Variants in SHISA6 observed in about 807,000 individuals in gnomAD.
SHISA6 encodes protein shisa-6.
Under a neutral mutation model 47.9 loss-of-function variants are expected in SHISA6, and 22 were observed. The observed-to-expected ratio is 0.46, with a 90% confidence interval of 0.33 to 0.66. The LOEUF (loss-of-function observed/expected upper bound fraction) is 0.66. SHISA6 is among the 30% of genes least tolerant of loss of function. The pLI is 0.02. For synonymous variants in SHISA6, 388 were observed against 337.8 expected (o/e 1.15, Z -1.63); for missense variants, 680 against 764.6 (o/e 0.89, Z 1.30).
Position 11,561,897 on chromosome 17 carries a change from G to A in SHISA6, c.*3593G>A, listed in dbSNP as rs1032050950. 35 of 152,218 alleles carry A rather than the reference G, an allele frequency of 2.3e-4. 1 individual carries two copies. The highest frequency in any genetic ancestry group is 1.5e-5 in the Non-Finnish European group (1 of 68,132). 9.4% of individuals were successfully genotyped at this position (152,218 alleles called of 1,614,324 possible). ...GTGAGTTGATACCCCAGTGCACGGA[G>A]CCAAGGGCTTTTCCCCTCTGAGCTC... On this transcript the variant is annotated 3_prime_UTR_variant, in exon 6 of 6. Coordinates refer to ENST00000441885, the MANE Select transcript of SHISA6 (RefSeq NM_207386.4).
intron 3 of SHISA6, among the ~76,000 whole-genome samples, chr17:11,456,185 CCGGA>C (rs1915528582): frequency 6.6e-6 from 1 of 152,122 alleles, no homozygotes; most frequent in Non-Finnish European, 1.5e-5. Context: ...AGACGGAGGA[CCGGA>C]GGGAGGGAGG....
At chr17:11,378,656 C>T (rs1912899291) in intron 2 of SHISA6, among the ~76,000 whole-genome samples, 1 of 152,086 alleles carries the variant, frequency 6.6e-6, no homozygotes, top group Non-Finnish European at 1.5e-5. Flanking sequence ...AATTTCTATC[C>T]ACAATCCTAA....
chr17:11,395,896 A>G (rs892113870), intron 3 of SHISA6, among the ~76,000 whole-genome samples: 4 of 152,204 alleles, frequency 2.6e-5, no homozygotes, highest in African/African-American at 9.6e-5. Context: ...GTTGAATAGT[A>G]GAGAAGATAA....
chr17:11,462,343 C>G (rs542373231), intron 3 of SHISA6, among the ~76,000 whole-genome samples: 5 of 152,202 alleles, frequency 3.3e-5, no homozygotes, highest in Non-Finnish European at 7.3e-5. Context: ...AGATGCTTGT[C>G]TGTGTTCAAA....
chr17:11,521,720 T>C (rs1284598799), intron 3 of SHISA6, among the ~76,000 whole-genome samples: 1 of 152,114 alleles, frequency 6.6e-6, no homozygotes, highest in Non-Finnish European at 1.5e-5. Context: ...AGAGGATTTC[T>C]TGAACCCAGG....
intron 3 of SHISA6, among the ~76,000 whole-genome samples, chr17:11,396,858 T>G (rs1001658363): frequency 6.6e-6 from 1 of 152,184 alleles, no homozygotes; most frequent in East Asian, 1.9e-4. Context: ...TGGATACCTA[T>G]GTAACAAACC....
intron 1 of SHISA6, among the ~76,000 whole-genome samples, chr17:11,259,574 G>A (rs1463262380): frequency 6.6e-6 from 1 of 152,236 alleles, no homozygotes; most frequent in Non-Finnish European, 1.5e-5. Context: ...GTGGTAACAC[G>A]TTAAAATGTT....
intron 2 of SHISA6, among the ~76,000 whole-genome samples, chr17:11,342,523 A>C (rs896739483): frequency 2.0e-5 from 3 of 152,180 alleles, no homozygotes; most frequent in African/African-American, 7.2e-5. Flanking sequence ...AACACATCTT[A>C]TGATAAAAGG....
At chr17:11,288,597 A>C (rs1394231552) in intron 2 of SHISA6, 5 of 152,124 alleles carry the variant, frequency 3.3e-5, no homozygotes, top group African/African-American at 1.2e-4. Flanking sequence ...CTTACTCAAA[A>C]TGACTAGTTT....
At chr17:11,557,102 TG>T (rs2071988693) in intron 5 of SHISA6, among the ~76,000 whole-genome samples, 2 of 152,274 alleles carry the variant, frequency 1.3e-5, no homozygotes, top group East Asian at 3.9e-4. Flanking sequence ...ATTATGTGGC[TG>T]TGTGGGGACT....
chr17:11,259,211 G>A (rs1908134478), intron 1 of SHISA6, among the ~76,000 whole-genome samples: 1 of 152,122 alleles, frequency 6.6e-6, no homozygotes, highest in African/African-American at 2.4e-5. Context: ...ATAATCCAGT[G>A]GTATATAGTC....
At chr17:11,328,977 GTGA>G (rs1427574617) in intron 2 of SHISA6, among the ~76,000 whole-genome samples, 2 of 152,170 alleles carry the variant, frequency 1.3e-5, no homozygotes, top group Non-Finnish European at 2.9e-5. Context: ...AATAACGATG[GTGA>G]TGATGATAAC....
At chr17:11,248,221 AT>A (rs950938393) in intron 1 of SHISA6, among the ~76,000 whole-genome samples, 3 of 152,132 alleles carry the variant, frequency 2.0e-5, no homozygotes, top group East Asian at 3.9e-4. Context: ...TGCTAACTCT[AT>A]TTTTTTTAAT....
chr17:11,522,009 A>C (rs1023930397), intron 3 of SHISA6, among the ~76,000 whole-genome samples: 5 of 152,014 alleles, frequency 3.3e-5, no homozygotes, highest in Non-Finnish European at 7.4e-5. Flanking sequence ...TCTGTCACCC[A>C]GGCTGGAGTG....
chr17:11,369,285 T>G (rs1272571945), intron 2 of SHISA6, among the ~76,000 whole-genome samples: 2 of 152,216 alleles, frequency 1.3e-5, no homozygotes, highest in Non-Finnish European at 2.9e-5. Flanking sequence ...TTAACCTCTC[T>G]GAGACTTAAC....
intron 3 of SHISA6, among the ~76,000 whole-genome samples, chr17:11,460,204 C>T (rs1915657572): frequency 6.6e-6 from 1 of 152,216 alleles, no homozygotes; most frequent in African/African-American, 2.4e-5. Context: ...AGGGCATGAA[C>T]TGCCACATGA....
chr17:11,473,075 T>C (rs1488462616), intron 3 of SHISA6, among the ~76,000 whole-genome samples: 1 of 152,220 alleles, frequency 6.6e-6, no homozygotes, highest in African/African-American at 2.4e-5. Flanking sequence ...AAAAATAAAA[T>C]GTGTCTTTGG....
intron 2 of SHISA6, among the ~76,000 whole-genome samples, chr17:11,332,863 C>T (rs73297353): frequency 0.022 from 3,377 of 152,082 alleles, 135 homozygotes; most frequent in African/African-American, 0.077. Flanking sequence ...GGAAGCCTGC[C>T]GAACCCCTGG....
At chr17:11,322,574 G>T (rs973645721) in intron 2 of SHISA6, among the ~76,000 whole-genome samples, 1 of 152,174 alleles carries the variant, frequency 6.6e-6, no homozygotes, top group African/African-American at 2.4e-5. Context: ...AGGACATGCT[G>T]AGGACTTGAG....
Sources: allele counts gnomAD v4.1 joint callset (sites outside exome capture counted in the v4.1 genomes callset), GRCh38; gene constraint gnomAD v4.1.1; transcripts MANE v1.5; gene names NCBI Gene and HGNC (gene_info 2026-07-23, HGNC 2026-07-21).